SOX6: variants seen among roughly 807,000 people sequenced by gnomAD.
The protein encoded by SOX6 is SRY-box transcription factor 6.
SOX6 carries 11 observed loss-of-function variants against 97.8 expected under a neutral mutation model. The ratio of observed to expected loss-of-function variants is 0.11; its 90% CI spans 0.07 to 0.19. The LOEUF (loss-of-function observed/expected upper bound fraction) is 0.19. Among genes scored for constraint, SOX6 ranks in the 10% least tolerant of loss-of-function variants. The pLI is 1.00. For synonymous variants in SOX6, 360 were observed against 371.4 expected (o/e 0.97, Z 0.35); for missense variants, 810 against 1,039.5 (o/e 0.78, Z 3.04).
intron 2 of SOX6, among the ~76,000 whole-genome samples, chr11:16,326,200 A>T (rs1163188492): frequency 6.6e-6 from 1 of 152,150 alleles, no homozygotes; most frequent in Non-Finnish European, 1.5e-5. Flanking sequence ...CAAATATCTT[A>T]ATGAAGATAT....
chr11:16,195,019 G>T (rs542628025), intron 4 of SOX6, among the ~76,000 whole-genome samples: 2 of 152,228 alleles, frequency 1.3e-5, no homozygotes, highest in African/African-American at 2.4e-5. Context: ...AAATTCTTTT[G>T]TCCTTTAAAG....
chr11:15,977,016 C>T (rs1239784021), intron 15 of SOX6, among the ~76,000 whole-genome samples: 3 of 152,036 alleles, frequency 2.0e-5, no homozygotes, highest in East Asian at 1.9e-4. Flanking sequence ...CTCATTGCCT[C>T]GTCCAACCTA....
At chr11:16,417,095 A>G (rs1858940836) in intron 1 of SOX6, among the ~76,000 whole-genome samples, 1 of 152,172 alleles carries the variant, frequency 6.6e-6, no homozygotes, top group Admixed American at 6.6e-5. Context: ...TTGTTGAGGA[A>G]GAACTAAGCA....
intron 1 of SOX6, chr11:16,402,952 G>A: frequency 1.0e-6 from 1 of 953,182 alleles, no homozygotes; most frequent in Non-Finnish European, 1.6e-6. Flanking sequence ...TTACACCAAG[G>A]TGGGGGAGAA....
chr11:16,629,224 C>G (rs866452067), intron 3 of SOX6, among the ~76,000 whole-genome samples: 10 of 152,274 alleles, frequency 6.6e-5, no homozygotes, highest in South Asian at 2.1e-4. Context: ...ATGACATTGG[C>G]TGTGGTGCGT....
rs1308097424 is a variant in SOX6 at position 16,565,746 on chromosome 11, A to T, written n.609+46335T>A. The stretch of plus-strand genomic sequence containing the variant: ...TAAAAAAAAAAAAAAAAAAAAAAAA[A>T]AAAAAAAAAAAACTCGTCAACAGAA... On this transcript the variant is annotated intron_variant and non_coding_transcript_variant, in intron 4 of 5. Coordinates refer to the SOX6 transcript ENST00000524520. Among the ~76,000 whole-genome samples, 42 of 6,496 alleles carry T rather than the reference A, an allele frequency of 6.5e-3. 5 individuals are homozygous for T. The highest frequency in any genetic ancestry group is 0.022 in the African/African-American group (40 of 1,816). 4.3% of individuals were successfully genotyped at this position (6,496 alleles called of 152,430 possible). A position where few individuals can be genotyped will look rare whatever the true frequency, so the allele number is the denominator to read the frequency against.
At chr11:16,190,286 C>T (rs570576557) in intron 4 of SOX6, among the ~76,000 whole-genome samples, 36 of 152,136 alleles carry the variant, frequency 2.4e-4, no homozygotes, top group Non-Finnish European at 3.8e-4. Flanking sequence ...TCATATAAGG[C>T]TGTCACTATT....
intron 4 of SOX6, among the ~76,000 whole-genome samples, chr11:16,198,180 A>G (rs1851837021): frequency 1.3e-5 from 2 of 148,244 alleles, no homozygotes; most frequent in African/African-American, 5.0e-5. Flanking sequence ...CAGCCTCCCG[A>G]GTAGCTGGGA....
chr11:16,410,956 C>A (rs1858797698), intron 1 of SOX6, among the ~76,000 whole-genome samples: 1 of 146,008 alleles, frequency 6.8e-6, no homozygotes. Context: ...CTATGAACAA[C>A]TTAGGGTAGG....
intron 13 of SOX6, 90 bp from the exon 14 acceptor site, chr11:15,989,320 T>G (rs1564895794): frequency 9.9e-7 from 1 of 1,009,572 alleles, no homozygotes; most frequent in African/African-American, 1.6e-5. Flanking sequence ...TCAGCTGTTT[T>G]CCCCAGGTCC....
chr11:16,073,053 A>G (rs1848262864), intron 9 of SOX6, among the ~76,000 whole-genome samples: 1 of 152,186 alleles, frequency 6.6e-6, no homozygotes, highest in African/African-American at 2.4e-5. Context: ...CTGAATTATA[A>G]CCAGCTAACA....
intron 15 of SOX6, among the ~76,000 whole-genome samples, chr11:15,981,454 C>G (rs1290465767): frequency 6.6e-6 from 1 of 151,750 alleles, no homozygotes; most frequent in African/African-American, 2.4e-5. Flanking sequence ...GCTGGCAAAG[C>G]CCCATTGTTT....
chr11:16,700,999 T>C (rs1372958702), intron 3 of SOX6, among the ~76,000 whole-genome samples: 1 of 152,168 alleles, frequency 6.6e-6, no homozygotes, highest in East Asian at 1.9e-4. Flanking sequence ...TATCTGACAA[T>C]CAAATAACCA....
intron 4 of SOX6, among the ~76,000 whole-genome samples, chr11:16,603,543 GCA>G (rs1473826442): frequency 6.6e-6 from 1 of 152,172 alleles, no homozygotes; most frequent in East Asian, 1.9e-4. Flanking sequence ...GTGGGAGGGA[GCA>G]CAGAGACAGG....
intron 4 of SOX6, among the ~76,000 whole-genome samples, chr11:16,565,942 A>AC (rs1389537727): frequency 1.3e-5 from 2 of 151,960 alleles, no homozygotes; most frequent in African/African-American, 4.8e-5. Flanking sequence ...TAAAAATACA[A>AC]AAAATTAGTC....
At chr11:16,304,558 G>A (rs1270366892) in intron 3 of SOX6, among the ~76,000 whole-genome samples, 1 of 152,094 alleles carries the variant, frequency 6.6e-6, no homozygotes, top group African/African-American at 2.4e-5. Flanking sequence ...CACACAGAAA[G>A]CAATAAATTT....
chr11:16,386,935 CATT>C (rs1858005189), intron 1 of SOX6, among the ~76,000 whole-genome samples: 2 of 152,144 alleles, frequency 1.3e-5, no homozygotes, highest in Admixed American at 1.3e-4. Flanking sequence ...GAGATTCTCT[CATT>C]ATCCAAATAT....
Position 15,968,277 on chromosome 11 carries a change from C to A in SOX6, c.*4532G>T, listed in dbSNP as rs1207186234. The A allele has an allele frequency of 6.6e-6, 1 of 152,172 alleles. No homozygotes were observed. Among genetic ancestry groups the A allele is most frequent in the Non-Finnish European group, 1.5e-5 (1 of 68,026 alleles). 9.4% of individuals were successfully genotyped at this position (152,172 alleles called of 1,614,324 possible). On this transcript the variant is annotated 3_prime_UTR_variant, in exon 16 of 16. Coordinates refer to ENST00000683767, the MANE Select transcript of SOX6 (RefSeq NM_001367873.1). Reference sequence around the variant, plus strand: ...CAAACGTGTACAAAATCAGGCAGGGCTACAGCAACCATTTTTGTCATTTTC... The same window carrying A: ...CAAACGTGTACAAAATCAGGCAGGGATACAGCAACCATTTTTGTCATTTTC...
At chr11:16,436,724 T>C (rs909433105) in intron 1 of SOX6, among the ~76,000 whole-genome samples, 20 of 152,280 alleles carry the variant, frequency 1.3e-4, no homozygotes, top group African/African-American at 4.8e-4. Context: ...AATGAGAAAA[T>C]AGATTCTGAG....
Sources: allele counts gnomAD v4.1 joint callset (sites outside exome capture counted in the v4.1 genomes callset), GRCh38; gene constraint gnomAD v4.1.1; transcripts MANE v1.5; gene names NCBI Gene and HGNC (gene_info 2026-07-23, HGNC 2026-07-21).